The following UBE2D1 variants were observed in gnomAD, a reference collection of about 807,000 sequenced individuals.
The protein encoded by UBE2D1 is ubiquitin conjugating enzyme E2 D1.
A neutral mutation model predicts 24.6 loss-of-function variants in UBE2D1; 9 were observed. The observed-to-expected ratio is 0.37, with a 90% confidence interval of 0.22 to 0.64. The LOEUF (loss-of-function observed/expected upper bound fraction) is 0.64. Among genes scored for constraint, UBE2D1 ranks in the 30% least tolerant of loss-of-function variants. The pLI, the probability that UBE2D1 is intolerant of heterozygous loss-of-function variation, is 0.64. For missense variants in UBE2D1, 87 were observed against 177.1 expected (o/e 0.49, Z 2.89); for synonymous variants, 57 against 57.6 (o/e 0.99, Z 0.04).
At chr10:58,351,055 G>T (rs373713815) in intron 1 of UBE2D1, among the ~76,000 whole-genome samples, 28 of 152,282 alleles carry the variant, frequency 1.8e-4, no homozygotes, top group African/African-American at 6.3e-4. Flanking sequence ...CCTGTATAGG[G>T]CACTTACCAT....
chr10:58,346,474 A>G (rs1172635685), intron 1 of UBE2D1, among the ~76,000 whole-genome samples: 4 of 152,202 alleles, frequency 2.6e-5, no homozygotes, highest in African/African-American at 7.2e-5. Context: ...CCTGAAGGCA[A>G]TGATGTTTAA....
intron 1 of UBE2D1, among the ~76,000 whole-genome samples, chr10:58,343,402 G>A (rs1839983470): frequency 6.6e-6 from 1 of 152,086 alleles, no homozygotes; most frequent in African/African-American, 2.4e-5. Flanking sequence ...GTGTGTGTGT[G>A]TACTAGGTTG....
chr10:58,363,486 T>G, intron 3 of UBE2D1, 123 bp from the exon 4 acceptor site: 1 of 611,198 alleles, frequency 1.6e-6, no homozygotes, highest in South Asian at 2.6e-5. Flanking sequence ...TTGGTAATAT[T>G]TAATGAAATT....
intron 1 of UBE2D1, among the ~76,000 whole-genome samples, chr10:58,353,134 C>G (rs1840095337): frequency 6.6e-6 from 1 of 152,134 alleles, no homozygotes; most frequent in South Asian, 2.1e-4. Context: ...GTTTAATCAT[C>G]AACAATGTGC....
At position 58,364,047 on chromosome 10, in the gene UBE2D1, A is replaced by T. The variant is rs529076687; in HGVS notation, c.198+361A>T. Among the ~76,000 whole-genome samples, 130 of 150,514 alleles carry T rather than the reference A, an allele frequency of 8.6e-4. 2 individuals carry two copies. The South Asian group carries it at 0.026, about 30-fold the overall frequency. On this transcript the variant is annotated intron_variant, in intron 4 of 6. Transcript: ENST00000373910. The stretch of plus-strand genomic sequence containing the variant: ...CTTTCTCTGTTTTTTTTTTTTAAGT[A>T]TTCAATAAACATTCACCGAGTACCT...
At chr10:58,343,130 T>C (rs1839980576) in intron 1 of UBE2D1, among the ~76,000 whole-genome samples, 2 of 152,204 alleles carry the variant, frequency 1.3e-5, no homozygotes, top group African/African-American at 4.8e-5. Context: ...TTTCAGGTGC[T>C]CAACAGCACT....
At chr10:58,354,724 A>G (rs1353931483) in intron 1 of UBE2D1, among the ~76,000 whole-genome samples, 1 of 152,088 alleles carries the variant, frequency 6.6e-6, no homozygotes, top group Non-Finnish European at 1.5e-5. Context: ...AGTCCCAGCT[A>G]CTTGAGAAGC....
intron 1 of UBE2D1, among the ~76,000 whole-genome samples, chr10:58,347,809 G>C (rs1840033272): frequency 6.6e-6 from 1 of 151,928 alleles, no homozygotes. Flanking sequence ...CACCAAGCCT[G>C]GCTAATTTTT....
intron 1 of UBE2D1, among the ~76,000 whole-genome samples, chr10:58,336,837 T>C (rs1295416053): frequency 2.0e-5 from 3 of 152,196 alleles, no homozygotes; most frequent in African/African-American, 7.2e-5. Flanking sequence ...TTAAATTTCA[T>C]TGTGTTTTTT....
intron 5 of UBE2D1, among the ~76,000 whole-genome samples, chr10:58,366,633 A>C (rs1196891008): frequency 6.6e-6 from 1 of 152,206 alleles, no homozygotes; most frequent in African/African-American, 2.4e-5. Context: ...AAATATAGAC[A>C]GAGTCTTGCT....
At chr10:58,335,594 T>C (rs572419885) in intron 1 of UBE2D1, among the ~76,000 whole-genome samples, 1 of 152,394 alleles carries the variant, frequency 6.6e-6, no homozygotes, top group African/African-American at 2.4e-5. Context: ...ATGCTGTGTT[T>C]TCTCCAGGCT....
At chr10:58,337,685 G>A (rs1839917464) in intron 1 of UBE2D1, among the ~76,000 whole-genome samples, 1 of 152,022 alleles carries the variant, frequency 6.6e-6, no homozygotes. Context: ...AGAATCACCT[G>A]TGGGACGTTT....
intron 4 of UBE2D1, among the ~76,000 whole-genome samples, chr10:58,364,064 C>T (rs369682456): frequency 7.9e-5 from 12 of 151,534 alleles, no homozygotes; most frequent in Non-Finnish European, 1.3e-4. Flanking sequence ...AAACATTCAC[C>T]GAGTACCTAC....
intron 1 of UBE2D1, among the ~76,000 whole-genome samples, chr10:58,341,167 A>G (rs1426613253): frequency 2.0e-5 from 3 of 152,220 alleles, no homozygotes; most frequent in Non-Finnish European, 4.4e-5. Context: ...TGTAGTTCAT[A>G]AATGCTCTGT....
chr10:58,344,914 G>T (rs1439618537), intron 1 of UBE2D1, among the ~76,000 whole-genome samples: 1 of 151,218 alleles, frequency 6.6e-6, no homozygotes, highest in African/African-American at 2.4e-5. Flanking sequence ...ACCCAGGCTG[G>T]ACTGCAGTGG....
intron 1 of UBE2D1, among the ~76,000 whole-genome samples, chr10:58,351,204 A>G (rs893575515): frequency 5.3e-5 from 8 of 152,194 alleles, no homozygotes; most frequent in Non-Finnish European, 1.2e-4. Context: ...ATACACATTT[A>G]TATGAAAAAT....
intron 1 of UBE2D1, among the ~76,000 whole-genome samples, chr10:58,356,144 A>G (rs1024379540): frequency 2.6e-5 from 4 of 152,128 alleles, no homozygotes; most frequent in African/African-American, 9.7e-5. Context: ...TAAGAACCTG[A>G]ATAAAAATCT....
chr10:58,353,294 T>G (rs956189111), intron 1 of UBE2D1, among the ~76,000 whole-genome samples: 2 of 152,190 alleles, frequency 1.3e-5, no homozygotes, highest in Non-Finnish European at 2.9e-5. Flanking sequence ...TTAATAAATT[T>G]CTACATTTAG....
intron 1 of UBE2D1, among the ~76,000 whole-genome samples, chr10:58,352,866 C>G (rs1298198007): frequency 6.6e-6 from 1 of 152,020 alleles, no homozygotes; most frequent in East Asian, 1.9e-4. Flanking sequence ...TTTACTAGTT[C>G]CTTACTAGAT....
Sources: gnomAD v4.1 joint callset for allele counts (sites outside exome capture counted in the v4.1 genomes callset) on GRCh38, gnomAD v4.1.1 for gene constraint, MANE v1.5 for transcripts, NCBI Gene and HGNC (gene_info 2026-07-23, HGNC 2026-07-21) for gene names.